The following ATP6V1E2 variants were observed in gnomAD, a reference collection of about 807,000 sequenced individuals.
ATP6V1E2 encodes the protein ATPase H+ transporting V1 subunit E2.
For synonymous variants in ATP6V1E2, 121 were observed against 104.2 expected (o/e 1.16, Z -0.98); for missense variants, 308 against 273.3 (o/e 1.13, Z -0.90).
At chr2:46,514,195 G>A (rs969120658) in intron 4 of ATP6V1E2, among the ~76,000 whole-genome samples, 13 of 152,106 alleles carry the variant, frequency 8.5e-5, no homozygotes, top group African/African-American at 1.4e-4. Context: ...CAGGAGAATC[G>A]CTTGAACCCA....
At chr2:46,538,233 G>C (rs1039331140) in intron 2 of ATP6V1E2, among the ~76,000 whole-genome samples, 1 of 152,118 alleles carries the variant, frequency 6.6e-6, no homozygotes, top group Non-Finnish European at 1.5e-5. Flanking sequence ...TTTTCTATGA[G>C]TCTCAGAGTG....
chr2:46,526,468 T>G (rs1019123590), intron 4 of ATP6V1E2, among the ~76,000 whole-genome samples: 1 of 152,178 alleles, frequency 6.6e-6, no homozygotes, highest in Non-Finnish European at 1.5e-5. Flanking sequence ...GTTTTGCAAC[T>G]ATCACCACCA....
intron 4 of ATP6V1E2, among the ~76,000 whole-genome samples, chr2:46,518,229 G>A (rs1666387213): frequency 6.6e-6 from 1 of 152,070 alleles, no homozygotes; most frequent in African/African-American, 2.4e-5. Flanking sequence ...ATAATTCTAA[G>A]TAAAATAAGC....
intron 4 of ATP6V1E2, among the ~76,000 whole-genome samples, chr2:46,513,214 C>A (rs73927871): frequency 2.3e-5 from 3 of 131,910 alleles, no homozygotes; most frequent in Admixed American, 7.5e-5. Flanking sequence ...TTAATCCAGC[C>A]AGGATTGAAT....
At chr2:46,528,373 G>A (rs2103897670) in intron 4 of ATP6V1E2, among the ~76,000 whole-genome samples, 1 of 152,346 alleles carries the variant, frequency 6.6e-6, no homozygotes. Flanking sequence ...ACTTGTCAAA[G>A]TATTCACCCC....
In ATP6V1E2 at chr2:46,512,691, A is replaced by G. The variant is rs138145018; in HGVS notation, c.21T>C (p.Asp7=). 972 of 1,613,164 alleles carry G rather than the reference A, an allele frequency of 6.0e-4. 15 individuals carry two copies. In the East Asian group the frequency reaches 0.018, roughly 30 times the overall value. ...TCATGTGCTTAATCTGCTTTTTCAC[A>G]TCGACATCACTCAGGGCCATGGCTG... MALSDV[D]VKKQIKHMMA... The change falls in exon 5 of 5, where the codon GAT becomes GAC. Residue 7 remains aspartate, a synonymous_variant. Transcript: ENST00000522587.
intron 4 of ATP6V1E2, among the ~76,000 whole-genome samples, chr2:46,532,520 T>G (rs192854992): frequency 9.0e-4 from 137 of 152,338 alleles, no homozygotes; most frequent in African/African-American, 3.0e-3. Flanking sequence ...AAAATTTATG[T>G]TGGAACTTAA....
chr2:46,527,198 T>G lies in ATP6V1E2; in HGVS notation c.-102+8615A>C, dbSNP rs544714369. ...CCTCCTGAGTAGCTGGGACTACAGG[T>G]GCACACCATCGTGTCTAATTTTTAT... On this transcript the variant is annotated intron_variant, in intron 4 of 4. Coordinates refer to ENST00000522587, the MANE Select transcript of ATP6V1E2 (RefSeq NM_001318063.2). Among the ~76,000 whole-genome samples the G allele has an allele frequency of 7.2e-5, 11 of 152,184 alleles. No individual in the cohort carries two copies. In the South Asian group the frequency reaches 2.3e-3, roughly 32 times the overall value.
chr2:46,528,505 A>C (rs1572711778), intron 4 of ATP6V1E2, among the ~76,000 whole-genome samples: 1 of 152,234 alleles, frequency 6.6e-6, no homozygotes, highest in South Asian at 2.1e-4. Flanking sequence ...TGCTGGGTAG[A>C]CATGGGACAT....
intron 4 of ATP6V1E2, among the ~76,000 whole-genome samples, chr2:46,532,279 C>G (rs1667218707): frequency 6.7e-6 from 1 of 149,938 alleles, no homozygotes; most frequent in Admixed American, 6.6e-5. Context: ...TACTGTTTTC[C>G]TAAGACCATT....
At chr2:46,532,711 T>C (rs1667241898) in intron 4 of ATP6V1E2, among the ~76,000 whole-genome samples, 1 of 152,200 alleles carries the variant, frequency 6.6e-6, no homozygotes, top group Non-Finnish European at 1.5e-5. Context: ...CTCTGGAGCA[T>C]GCAGCAACAA....
At position 46,541,454 on chromosome 2, in the gene ATP6V1E2, C is replaced by T. The variant is rs555532338; in HGVS notation, c.-373-1G>A. On this transcript the variant is annotated splice_acceptor_variant, in intron 1 of 4. Transcript: ENST00000522587. LOFTEE classifies it low-confidence loss of function (5UTR_SPLICE). The stretch of plus-strand genomic sequence containing the variant: ...TTCGGAGTTTGAGAGTTCAGGCCTC[C>T]TGGATAGTGAGGAACGGGAATACAA... The T allele has an allele frequency of 1.1e-4, 17 of 152,294 alleles. No homozygotes were observed. Among genetic ancestry groups the T allele is most frequent in the African/African-American group, 2.9e-4 (12 of 41,558 alleles). The allele number at this position is 152,294 out of a possible 1,614,324, so 9.4% of individuals were successfully genotyped here.
At position 46,512,195 on chromosome 2, in the gene ATP6V1E2, G is replaced by A. The variant is rs368751456; in HGVS notation, c.517C>T (p.Leu173=). The A allele has an allele frequency of 1.9e-6, 3 of 1,614,044 alleles. No individual in the cohort carries two copies. Among genetic ancestry groups the A allele is most frequent in the African/African-American group, 1.3e-5 (1 of 74,926 alleles). The change falls in exon 5 of 5, where the codon CTG becomes TTG. Residue 173 remains leucine, a synonymous_variant. Transcript: ENST00000522587. The stretch of plus-strand genomic sequence containing the variant: ...ACACCTCCAGCTGCATTCACAGCCA[G>A]GTATGCCTCTTTATCAATCTGGACC... ...VEVQIDKEAY[L]AVNAAGGVEV...
intron 4 of ATP6V1E2, among the ~76,000 whole-genome samples, chr2:46,533,786 A>T (rs1667307635): frequency 6.6e-6 from 1 of 152,170 alleles, no homozygotes. Flanking sequence ...TTGTTGTCTG[A>T]CAAACATTTA....
At chr2:46,516,511 T>C (rs979060398) in intron 4 of ATP6V1E2, among the ~76,000 whole-genome samples, 11 of 152,194 alleles carry the variant, frequency 7.2e-5, no homozygotes, top group African/African-American at 2.7e-4. Context: ...CAGGAATCGC[T>C]TGAACCTGGT....
chr2:46,538,014 T>C (rs1447628170), intron 2 of ATP6V1E2, among the ~76,000 whole-genome samples: 1 of 152,128 alleles, frequency 6.6e-6, no homozygotes, highest in African/African-American at 2.4e-5. Flanking sequence ...TGTAGATGCC[T>C]CAGAGTTATC....
intron 4 of ATP6V1E2, among the ~76,000 whole-genome samples, chr2:46,525,316 G>T (rs904791053): frequency 5.9e-5 from 9 of 152,036 alleles, no homozygotes; most frequent in Non-Finnish European, 1.0e-4. Context: ...CAAAAAATTA[G>T]CCGGGCGCAG....
intron 2 of ATP6V1E2, among the ~76,000 whole-genome samples, chr2:46,539,390 T>A (rs1416482635): frequency 6.6e-6 from 1 of 152,236 alleles, no homozygotes; most frequent in Non-Finnish European, 1.5e-5. Flanking sequence ...GATGCACCCC[T>A]ATGGGCACAG....
At chr2:46,540,594 T>C (rs1192911576) in intron 2 of ATP6V1E2, among the ~76,000 whole-genome samples, 1 of 150,454 alleles carries the variant, frequency 6.6e-6, no homozygotes, top group East Asian at 1.9e-4. Context: ...TCCCTGAAAT[T>C]TGAGAGCTTT....
Sources: allele counts gnomAD v4.1 joint callset (sites outside exome capture counted in the v4.1 genomes callset), GRCh38; gene constraint gnomAD v4.1.1; transcripts MANE v1.5; gene names NCBI Gene and HGNC (gene_info 2026-07-23, HGNC 2026-07-21).